ZNF571: variants seen among roughly 807,000 people sequenced by gnomAD.
ZNF571 encodes zinc finger protein 571.
ZNF571 carries 4 observed loss-of-function variants against 7.7 expected under a neutral mutation model. That is an observed-to-expected ratio of 0.52 (90% confidence interval 0.25 to 1.18). ZNF571 has a LOEUF of 1.18. Among genes scored for constraint, ZNF571 ranks in the 50% most tolerant of loss-of-function variants. The probability of loss-of-function intolerance (pLI) is 0.14; values close to 1 mark genes in which losing one functional copy is unlikely to be tolerated. For synonymous variants in ZNF571, 251 were observed against 232.4 expected (o/e 1.08, Z -0.73); for missense variants, 704 against 726.9 (o/e 0.97, Z 0.36).
rs752496470 is a variant in ZNF571 at position 37,564,341 on chromosome 19, A to G, written c.*257T>C. The G allele has an allele frequency of 3.7e-4, 119 of 322,702 alleles. No homozygotes were observed. Among genetic ancestry groups the G allele is most frequent in the Non-Finnish European group, 5.8e-4 (103 of 179,102 alleles). The allele number at this position is 322,702 out of a possible 1,614,324, so 20.0% of individuals were successfully genotyped here. A position where few individuals can be genotyped will look rare whatever the true frequency, so the allele number is the denominator to read the frequency against. On this transcript the variant is annotated 3_prime_UTR_variant, in exon 4 of 4. Coordinates refer to ENST00000451802, the MANE Select transcript of ZNF571 (RefSeq NM_016536.5). Reference sequence around the variant, plus strand: ...TTTTACAAATAGAAAAGAACACACAAGAAATATATAGGATTTCAGTTAGGA... The same window carrying G: ...TTTTACAAATAGAAAAGAACACACAGGAAATATATAGGATTTCAGTTAGGA...
chr19:37,580,143 T>C (rs2043399942), intron 3 of ZNF571, among the ~76,000 whole-genome samples: 2 of 152,230 alleles, frequency 1.3e-5, no homozygotes, highest in South Asian at 4.1e-4. Context: ...TTTAACTGAC[T>C]AGCAACCCTA....
Position 37,565,681 on chromosome 19 carries a change from T to A in ZNF571, c.747A>T (p.Lys249Asn). The A allele has an allele frequency of 6.2e-7, 1 of 1,613,780 alleles. No individual in the cohort carries two copies. Among genetic ancestry groups the A allele is most frequent in the East Asian group, 2.2e-5 (1 of 44,850 alleles). ...TTCCACATTTCTTACATTCATATGG[T>A]TTCTCTCCTGTATGAACTCTCTGAT... ...TEHQRVHTGE[K>N]PYECKKCGKA... The change falls in exon 4 of 4, where the codon AAA (lysine) becomes AAT (asparagine). Residue 249 changes from lysine to asparagine, a missense_variant. Physicochemically the swap from Lys to Asn is moderately conservative, Grantham distance 94 (BLOSUM62 0). Transcript: ENST00000451802.
chr19:37,589,515 T>G (rs1325641548), intron 1 of ZNF571, among the ~76,000 whole-genome samples: 2 of 151,854 alleles, frequency 1.3e-5, no homozygotes, highest in Admixed American at 6.6e-5. Flanking sequence ...TCATTCAACA[T>G]GTAAAATGCT....
chr19:37,579,973 G>A (rs953348016), intron 3 of ZNF571, among the ~76,000 whole-genome samples: 1 of 152,118 alleles, frequency 6.6e-6, no homozygotes, highest in East Asian at 1.9e-4. Context: ...GGAAAAAAAA[G>A]AACCATTTGA....
In ZNF571 at chr19:37,565,985, A is replaced by T. The variant is rs999098055; in HGVS notation, c.443T>A (p.Phe148Tyr). ...LYKCKECRQG[F>Y]SYLSCLIQHE... ...TTGAATAAGGCATGACAGGTAGCTGAAACCTTGTCTGCATTCCTTACATTT... is the reference window on the plus strand; with the variant it reads ...TTGAATAAGGCATGACAGGTAGCTGTAACCTTGTCTGCATTCCTTACATTT... The change falls in exon 4 of 4, where the codon TTC becomes TAC. Residue 148 changes from phenylalanine (F) to tyrosine (Y), a missense_variant. Coordinates refer to ENST00000451802, the MANE Select transcript of ZNF571 (RefSeq NM_016536.5). The T allele has an allele frequency of 1.2e-6, 2 of 1,613,914 alleles. No individual in the cohort carries two copies. Among genetic ancestry groups the T allele is most frequent in the African/African-American group, 2.7e-5 (2 of 75,058 alleles).
chr19:37,583,226 T>A (rs957487105), intron 3 of ZNF571, among the ~76,000 whole-genome samples: 3 of 152,220 alleles, frequency 2.0e-5, no homozygotes, highest in Non-Finnish European at 4.4e-5. Flanking sequence ...CCTCCTAACC[T>A]ATGAACGTAG....
chr19:37,591,927 G>A (rs909915176), intron 1 of ZNF571, among the ~76,000 whole-genome samples: 3 of 152,092 alleles, frequency 2.0e-5, no homozygotes, highest in African/African-American at 7.2e-5. Flanking sequence ...AATACAGGAG[G>A]AATTGAGAGA....
In ZNF571 at chr19:37,583,990, G is replaced by A; in HGVS notation, c.117C>T (p.Tyr39=). ...TCTTACCCAATGAGATCAGGTTGCTGTAGTTCTCCAACATCACATCCCTGT... is the reference window on the plus strand; with the variant it reads ...TCTTACCCAATGAGATCAGGTTGCTATAGTTCTCCAACATCACATCCCTGT... ...DLYRDVMLEN[Y]SNLISLDLES... The change falls in exon 3 of 4, where the codon TAC becomes TAT. Residue 39 remains tyrosine (Y), a synonymous_variant. Coordinates refer to ENST00000451802, the MANE Select transcript of ZNF571 (RefSeq NM_016536.5). 6.2e-7 allele frequency: 1 copy of A among 1,612,262 alleles called. No homozygotes were observed. The highest frequency in any genetic ancestry group is 8.5e-7 in the Non-Finnish European group (1 of 1,178,984).
chr19:37,577,180 T>A (rs1467611178), intron 3 of ZNF571, among the ~76,000 whole-genome samples: 1 of 152,152 alleles, frequency 6.6e-6, no homozygotes, highest in Non-Finnish European at 1.5e-5. Flanking sequence ...AATAGGGCCA[T>A]GAAGTACGCA....
At position 37,566,211 on chromosome 19, in the gene ZNF571, T is replaced by C. The variant is rs1225021142; in HGVS notation, c.217A>G (p.Met73Val). The C allele has an allele frequency of 6.2e-7, 1 of 1,613,996 alleles. No individual in the cohort carries two copies. The change falls in exon 4 of 4, where the codon ATG becomes GTG. Residue 73 changes from methionine (M) to valine (V), a missense_variant. Met to Val is a conservative substitution (Grantham distance 21). Transcript: ENST00000451802. Reference sequence around the variant, plus strand: ...AGGTGATGGTTGATACGTTTCCCCATATTCTCCCACTGGAGTGATTCCATT... The same window carrying C: ...AGGTGATGGTTGATACGTTTCCCCACATTCTCCCACTGGAGTGATTCCATT... ...YEMESLQWEN[M>V]GKRINHHLQY...
chr19:37,565,957 A>G lies in ZNF571; in HGVS notation c.471T>C (p.His157=), dbSNP rs182807995. ...ATTTTTCTATATTATGATTTTCCTC[A>G]TGTTGAATAAGGCATGACAGGTAGC... is the stretch of plus-strand genomic sequence containing the variant. ...GFSYLSCLIQ[H]EENHNIEKCS... The change falls in exon 4 of 4, where the codon CAT becomes CAC. Residue 157 remains histidine (H), a synonymous_variant. Transcript: ENST00000451802. The G allele has an allele frequency of 6.4e-5, 104 of 1,613,752 alleles. 2 individuals are homozygous for G. The Admixed American group carries it at 1.7e-3, about 26-fold the overall frequency.
chr19:37,588,039 G>GC lies in ZNF571; in HGVS notation c.-69-1295dup, dbSNP rs1338915329. 2.4e-4 allele frequency among the ~76,000 whole-genome samples: 33 copies of GC among 136,240 alleles called. 1 individual carries two copies. The highest frequency in any genetic ancestry group is 4.5e-3 in the Middle Eastern group (1 of 224). 89.4% of individuals were successfully genotyped at this position (136,240 alleles called of 152,430 possible). A position where few individuals can be genotyped will look rare whatever the true frequency, so the allele number is the denominator to read the frequency against. The stretch of plus-strand genomic sequence containing the variant: ...CACTTGTACGCGGGAGGTGGAGGTT[G>GC]CAGTGACCCAAGATTGCGCCACTGC... On this transcript the variant is annotated intron_variant, in intron 1 of 3. Transcript: ENST00000451802.
chr19:37,571,124 A>G (rs1020823751), intron 3 of ZNF571, among the ~76,000 whole-genome samples: 7 of 152,178 alleles, frequency 4.6e-5, no homozygotes, highest in African/African-American at 1.7e-4. Context: ...AGCATTTCTC[A>G]TCCAAATGCC....
At chr19:37,572,821 C>G (rs1306791732) in intron 3 of ZNF571, among the ~76,000 whole-genome samples, 1 of 152,192 alleles carries the variant, frequency 6.6e-6, no homozygotes, top group Admixed American at 6.5e-5. Context: ...TTACCAATTA[C>G]TATAACTATT....
chr19:37,571,918 CCTTA>C (rs2043068870), intron 3 of ZNF571, among the ~76,000 whole-genome samples: 1 of 152,104 alleles, frequency 6.6e-6, no homozygotes, highest in Non-Finnish European at 1.5e-5. Context: ...CAGTTGATAG[CCTTA>C]CTATCAACTA....
rs1359140374 is a variant in ZNF571 at position 37,565,931 on chromosome 19, C to T, written c.497G>A (p.Cys166Tyr). Residue 166 changes from cysteine to tyrosine, a missense_variant, in exon 4 of 4, where the codon TGC becomes TAC. Coordinates refer to ENST00000451802, the MANE Select transcript of ZNF571 (RefSeq NM_016536.5). ...ATTCCTGTGTTTCTTAACTTCAGAG[C>T]ATTTTTCTATATTATGATTTTCCTC... ...QHEENHNIEKCSEVKKHRNTF... is the reference protein window; with the variant it reads ...QHEENHNIEKYSEVKKHRNTF... The T allele has an allele frequency of 1.2e-6, 2 of 1,613,808 alleles. No homozygotes were observed. Among genetic ancestry groups the T allele is most frequent in the South Asian group, 1.1e-5 (1 of 91,068 alleles).
chr19:37,568,923 C>T (rs553796908), intron 3 of ZNF571, among the ~76,000 whole-genome samples: 1 of 152,058 alleles, frequency 6.6e-6, no homozygotes, highest in Admixed American at 6.5e-5. Flanking sequence ...GTTACCTTAT[C>T]ACCAACACCA....
chr19:37,589,115 G>A (rs1015143325), intron 1 of ZNF571, among the ~76,000 whole-genome samples: 3 of 145,806 alleles, frequency 2.1e-5, no homozygotes, highest in African/African-American at 5.1e-5. Context: ...CAGGAGAATC[G>A]TTTGAACCCA....
At chr19:37,568,925 CCAA>C (rs2042962569) in intron 3 of ZNF571, among the ~76,000 whole-genome samples, 1 of 151,956 alleles carries the variant, frequency 6.6e-6, no homozygotes, top group Non-Finnish European at 1.5e-5. Flanking sequence ...TACCTTATCA[CCAA>C]CACCACTGCT....
Sources: allele counts gnomAD v4.1 joint callset (sites outside exome capture counted in the v4.1 genomes callset), GRCh38; gene constraint gnomAD v4.1.1; transcripts MANE v1.5; gene names NCBI Gene and HGNC (gene_info 2026-07-23, HGNC 2026-07-21).